PSMA1: variants seen among roughly 807,000 people sequenced by gnomAD.
PSMA1 encodes the protein proteasome 20S subunit alpha 1, also known as proteasome subunit alpha type-1.
PSMA1 carries 3 observed loss-of-function variants against 38.4 expected under a neutral mutation model. That is an observed-to-expected ratio of 0.08 (90% CI 0.04 to 0.20). The LOEUF is 0.20. PSMA1 is among the 10% of genes least tolerant of loss of function. The pLI, the probability that PSMA1 is intolerant of heterozygous loss-of-function variation, is 1.00. For missense variants in PSMA1, 227 were observed against 325.3 expected, an observed-to-expected ratio of 0.70 and a Z score of 2.32; for synonymous variants, 101 against 107.1, an observed-to-expected ratio of 0.94 and a Z score of 0.35.
At chr11:14,511,700 A>G (rs1322515511) in intron 7 of PSMA1, among the ~76,000 whole-genome samples, 1 of 152,226 alleles carries the variant, frequency 6.6e-6, no homozygotes, top group East Asian at 1.9e-4. Flanking sequence ...GGTAACATCA[A>G]TCTTAGCAGT....
chr11:14,587,922 C>T (rs747468799), intron 2 of PSMA1, among the ~76,000 whole-genome samples: 2 of 152,214 alleles, frequency 1.3e-5, no homozygotes, highest in Non-Finnish European at 2.9e-5. Context: ...GTGTTTATCA[C>T]ATTACTTCCT....
chr11:14,576,785 A>C (rs1299956442), intron 2 of PSMA1, among the ~76,000 whole-genome samples: 5 of 152,116 alleles, frequency 3.3e-5, no homozygotes, highest in Admixed American at 3.3e-4. Flanking sequence ...TTCCACGTGA[A>C]CTTTAAAGTA....
rs561900875 is a variant in PSMA1 at position 14,542,413 on chromosome 11, A to C, written c.22-23372T>G. Among the ~76,000 whole-genome samples, 12 of 152,348 alleles carry C rather than the reference A, an allele frequency of 7.9e-5. No homozygotes were observed. In the South Asian group the frequency reaches 2.3e-3, roughly 29 times the overall value. Reference sequence around the variant, plus strand: ...TGGCATTCAGCTGTAAGCAGGGAAAAAAAAACCCAACAACTTTCCAGTTTG... The same window carrying C: ...TGGCATTCAGCTGTAAGCAGGGAAACAAAAACCCAACAACTTTCCAGTTTG... On this transcript the variant is annotated intron_variant, in intron 2 of 10. Transcript: ENST00000418988.
At chr11:14,520,594 G>A, upstream of PSMA1, 1 of 821,526 alleles carries the variant, frequency 1.2e-6, no homozygotes, top group East Asian at 3.1e-5. Flanking sequence ...CTGTCACGTA[G>A]CCCTTCTAGG....
At chr11:14,558,254 A>T (rs1003262054) in intron 2 of PSMA1, among the ~76,000 whole-genome samples, 1 of 150,370 alleles carries the variant, frequency 6.7e-6, no homozygotes, top group Non-Finnish European at 1.5e-5. Context: ...CTGCACAAAA[A>T]AAAAAAAAAA....
intron 1 of PSMA1, among the ~76,000 whole-genome samples, chr11:14,630,357 G>T (rs1201981003): frequency 6.6e-6 from 1 of 152,174 alleles, no homozygotes; most frequent in Non-Finnish European, 1.5e-5. Flanking sequence ...CTAATTTATT[G>T]AGAGTTTTTA....
intron 1 of PSMA1, among the ~76,000 whole-genome samples, chr11:14,633,983 C>T (rs1853075960): frequency 1.3e-5 from 2 of 152,212 alleles, no homozygotes; most frequent in African/African-American, 2.4e-5. Context: ...GGCAATGCCT[C>T]GCCCTGCTTC....
intron 2 of PSMA1, among the ~76,000 whole-genome samples, chr11:14,537,089 G>T (rs934385989): frequency 2.0e-5 from 3 of 152,138 alleles, no homozygotes; most frequent in Non-Finnish European, 2.9e-5. Flanking sequence ...AGACAAGAGA[G>T]AAAAAATTCA....
chr11:14,592,034 C>G (rs1696238363), intron 2 of PSMA1, among the ~76,000 whole-genome samples: 1 of 151,936 alleles, frequency 6.6e-6, no homozygotes, highest in Non-Finnish European at 1.5e-5. Context: ...GAGGAAGGAA[C>G]AACTCCAGAC....
rs1194100154 is a variant in PSMA1, at chr11:14,634,885, C to T, written c.-166+8570G>A. On this transcript the variant is annotated intron_variant, in intron 1 of 10. Coordinates refer to the PSMA1 transcript ENST00000418988. ...TGTGTACCTCTGGAAGAGTAAAGAG[C>T]TTGAGAGTGAGATTGATGAAGGATG... Among the ~76,000 whole-genome samples, 5 of 152,074 alleles carry T rather than the reference C, an allele frequency of 3.3e-5. No homozygotes were observed. In the East Asian group the frequency reaches 9.6e-4, roughly 29 times the overall value.
rs1851265947 is a variant in PSMA1 at position 14,507,586 on chromosome 11, T to C, written c.735+70A>G. The C allele has an allele frequency of 5.5e-6, 6 of 1,086,396 alleles. No homozygotes were observed. In the South Asian group the frequency reaches 8.2e-5, roughly 15 times the overall value. The allele number at this position is 1,086,396 out of a possible 1,614,324, so 67.3% of individuals were successfully genotyped here. ...AATATTTAAGACAAAATGGAAAATT[T>C]ACAGACACAGTTGTGGTAAGAACAG... On this transcript the variant is annotated intron_variant, in intron 9 of 9. Transcript: ENST00000396394.
chr11:14,513,799 A>T lies in PSMA1; in HGVS notation c.414+18T>A. 1.3e-6 allele frequency: 2 copies of T among 1,570,738 alleles called. No individual in the cohort carries two copies. Among genetic ancestry groups the T allele is most frequent in the South Asian group, 1.2e-5 (1 of 82,966 alleles). ...TTAAAAAAAATCATTAACATATAAC[A>T]ATATTCAATGAACTTACATCATAAC... On this transcript the variant is annotated intron_variant, in intron 6 of 9. Coordinates refer to ENST00000396394, the MANE Select transcript of PSMA1 (RefSeq NM_002786.4).
chr11:14,583,022 G>A (rs1852301302), intron 2 of PSMA1, among the ~76,000 whole-genome samples: 1 of 152,130 alleles, frequency 6.6e-6, no homozygotes, highest in African/African-American at 2.4e-5. Flanking sequence ...ACAGCTCTGC[G>A]CTCACGTAAT....
At chr11:14,618,492 T>C (rs950160437) in intron 1 of PSMA1, among the ~76,000 whole-genome samples, 1 of 152,240 alleles carries the variant, frequency 6.6e-6, no homozygotes, top group Admixed American at 6.5e-5. Flanking sequence ...CAATCAAGCC[T>C]GTATGTTTTG....
chr11:14,625,326 T>C (rs988294907), intron 1 of PSMA1, among the ~76,000 whole-genome samples: 2 of 152,138 alleles, frequency 1.3e-5, no homozygotes, highest in African/African-American at 4.8e-5. Context: ...TGTGTGCTTG[T>C]AATCCTAGCT....
chr11:14,588,102 T>C (rs1209526157), intron 2 of PSMA1, among the ~76,000 whole-genome samples: 2 of 152,210 alleles, frequency 1.3e-5, no homozygotes, highest in Admixed American at 1.3e-4. Context: ...AAATGCAATC[T>C]GACAAACACA....
chr11:14,548,233 T>G (rs907896557), intron 2 of PSMA1, among the ~76,000 whole-genome samples: 1 of 152,220 alleles, frequency 6.6e-6, no homozygotes, highest in African/African-American at 2.4e-5. Context: ...TAAGTGGTAC[T>G]ATTATTATGT....
At chr11:14,580,449 T>C (rs1430942778) in intron 2 of PSMA1, among the ~76,000 whole-genome samples, 1 of 152,188 alleles carries the variant, frequency 6.6e-6, no homozygotes, top group East Asian at 1.9e-4. Context: ...AAAGCCTCCT[T>C]ATTCTCTTCA....
intron 2 of PSMA1, among the ~76,000 whole-genome samples, chr11:14,551,556 G>T (rs935440193): frequency 6.6e-6 from 1 of 152,188 alleles, no homozygotes; most frequent in Admixed American, 6.5e-5. Context: ...TCTGACGATT[G>T]CAGCTCCACA....
Sources: allele counts gnomAD v4.1 joint callset (sites outside exome capture counted in the v4.1 genomes callset), GRCh38; gene constraint gnomAD v4.1.1; transcripts MANE v1.5; gene names NCBI Gene and HGNC (gene_info 2026-07-23, HGNC 2026-07-21).